OSBPL10: variants seen among roughly 807,000 people sequenced by gnomAD.
OSBPL10 encodes oxysterol binding protein like 10.
OSBPL10 carries 49 observed loss-of-function variants against 81.7 expected under a neutral mutation model. That is an observed-to-expected ratio of 0.60 (90% CI 0.48 to 0.76). The LOEUF (loss-of-function observed/expected upper bound fraction) is 0.76, where lower values mean the gene tolerates loss of function less well. OSBPL10 is among the 30% of genes least tolerant of loss of function. The probability of loss-of-function intolerance (pLI) is 0.00; values close to 1 mark genes in which losing one functional copy is unlikely to be tolerated. For missense variants in OSBPL10, 923 were observed against 987.8 expected (o/e 0.93, Z 0.88); for synonymous variants, 419 against 383.6 (o/e 1.09, Z -1.08).
intron 7 of OSBPL10, among the ~76,000 whole-genome samples, chr3:31,688,083 T>G (rs1440576710): frequency 2.0e-5 from 3 of 151,846 alleles, no homozygotes; most frequent in Admixed American, 6.6e-5. Context: ...ATCGTTGCAA[T>G]GAAGGAAGGG....
At chr3:31,798,170 C>A (rs953444236) in intron 4 of OSBPL10, among the ~76,000 whole-genome samples, 1 of 152,128 alleles carries the variant, frequency 6.6e-6, no homozygotes, top group African/African-American at 2.4e-5. Flanking sequence ...GTGGCTCACA[C>A]CTGTAATCCC....
chr3:31,848,934 T>C (rs1018365740), intron 3 of OSBPL10, among the ~76,000 whole-genome samples: 1 of 152,216 alleles, frequency 6.6e-6, no homozygotes, highest in African/African-American at 2.4e-5. Context: ...TTTCATTACT[T>C]AGCAAAAAGT....
At chr3:31,928,941 T>C (rs1000097830) in intron 1 of OSBPL10, among the ~76,000 whole-genome samples, 1 of 152,144 alleles carries the variant, frequency 6.6e-6, no homozygotes, top group Admixed American at 6.6e-5. Context: ...ATTGATAGCA[T>C]TTGATAAAAG....
At chr3:32,071,433 C>G (rs1446349039) in intron 1 of OSBPL10, among the ~76,000 whole-genome samples, 1 of 152,180 alleles carries the variant, frequency 6.6e-6, no homozygotes, top group Non-Finnish European at 1.5e-5. Flanking sequence ...ACAGACTGCT[C>G]CCACACTAGC....
rs1484529424 is a variant in OSBPL10, at chr3:31,678,827, T to TGC, written c.1726+4806_1726+4807insGC. Among the ~76,000 whole-genome samples, 15 of 128,700 alleles carry TGC rather than the reference T, an allele frequency of 1.2e-4. No homozygotes were observed. The East Asian group carries it at 3.4e-3, about 29-fold the overall frequency. 84.4% of individuals were successfully genotyped at this position (128,700 alleles called of 152,430 possible). The stretch of plus-strand genomic sequence containing the variant: ...GTGTGTGTGTGTGTGTGTGTGTGTG[T>TGC]GTGTAGGAGGGAAGAAGAGAAATAA... On this transcript the variant is annotated intron_variant, in intron 8 of 11. Transcript: ENST00000396556.
intron 6 of OSBPL10, chr3:31,719,055 C>T (rs1185353283): frequency 1.3e-5 from 2 of 152,192 alleles, no homozygotes; most frequent in Non-Finnish European, 2.9e-5. Context: ...TGCTGTTCAT[C>T]CCTACAAAAC....
chr3:32,038,298 A>T (rs1699538646), intron 2 of OSBPL10, among the ~76,000 whole-genome samples: 1 of 152,236 alleles, frequency 6.6e-6, no homozygotes, highest in Non-Finnish European at 1.5e-5. Context: ...TTCCATTTAT[A>T]ATGAAATATC....
intron 2 of OSBPL10, among the ~76,000 whole-genome samples, chr3:32,020,617 G>A (rs1439148399): frequency 3.3e-5 from 5 of 151,888 alleles, no homozygotes; most frequent in Admixed American, 1.3e-4. Context: ...TCTTTGTGAT[G>A]GACATAAAAG....
chr3:31,668,618 A>C, intron 10 of OSBPL10, 24 bp downstream of exon 10: 1 of 1,583,306 alleles, frequency 6.3e-7, no homozygotes, highest in Non-Finnish European at 8.6e-7. Context: ...TAAGCTGGAG[A>C]GGAAGACACA....
chr3:31,767,194 T>C (rs1012242742), intron 4 of OSBPL10, among the ~76,000 whole-genome samples: 1 of 152,230 alleles, frequency 6.6e-6, no homozygotes, highest in Non-Finnish European at 1.5e-5. Flanking sequence ...CAATTCTCTC[T>C]TTCAAGAGCC....
At chr3:31,785,927 C>A (rs1047979130) in intron 4 of OSBPL10, among the ~76,000 whole-genome samples, 2 of 152,232 alleles carry the variant, frequency 1.3e-5, no homozygotes, top group Non-Finnish European at 2.9e-5. Flanking sequence ...TCACTGTGAT[C>A]CAGAAAGACT....
At chr3:32,024,486 AT>A (rs34141476) in intron 2 of OSBPL10, among the ~76,000 whole-genome samples, 1,533 of 111,644 alleles carry the variant, frequency 0.014, 16 homozygotes, top group African/African-American at 0.05. Flanking sequence ...TGTGAATGGA[AT>A]TTTTTTTTTT....
intron 2 of OSBPL10, among the ~76,000 whole-genome samples, chr3:32,035,298 A>C (rs1392864082): frequency 6.6e-6 from 1 of 152,212 alleles, no homozygotes; most frequent in African/African-American, 2.4e-5. Flanking sequence ...ACAGTGGCTC[A>C]TGCCTGTAAT....
chr3:31,680,497 G>C (rs1457285596), intron 8 of OSBPL10, among the ~76,000 whole-genome samples: 1 of 152,164 alleles, frequency 6.6e-6, no homozygotes, highest in East Asian at 1.9e-4. Context: ...TGGATACTGT[G>C]AATTATGCAT....
intron 1 of OSBPL10, among the ~76,000 whole-genome samples, chr3:31,906,615 G>T (rs1696415175): frequency 6.6e-6 from 1 of 152,076 alleles, no homozygotes; most frequent in African/African-American, 2.4e-5. Flanking sequence ...AATCAATCAG[G>T]ATTTGATGAA....
chr3:32,036,315 T>G (rs149498359), intron 2 of OSBPL10, among the ~76,000 whole-genome samples: 102 of 152,312 alleles, frequency 6.7e-4, no homozygotes, highest in African/African-American at 2.5e-3. Flanking sequence ...CCAAAAGTGC[T>G]GGGATTACAG....
intron 4 of OSBPL10, among the ~76,000 whole-genome samples, chr3:31,779,161 TA>T (rs375065497): frequency 0.026 from 3,907 of 152,000 alleles, 78 homozygotes; most frequent in Middle Eastern, 0.034. Context: ...AACACAATTT[TA>T]AAAAAAGGTA....
chr3:31,702,609 C>G, intron 6 of OSBPL10, 101 bp from the exon 7 acceptor site: 1 of 1,492,496 alleles, frequency 6.7e-7, no homozygotes, highest in East Asian at 2.3e-5. Context: ...GAAACCCAAT[C>G]CTGTCCCGGG....
intron 1 of OSBPL10, among the ~76,000 whole-genome samples, chr3:32,067,692 T>A (rs1699790335): frequency 6.6e-6 from 1 of 152,126 alleles, no homozygotes. Flanking sequence ...CCTTAAGAAG[T>A]TTCTTTGTAA....
Sources: gnomAD v4.1 joint callset for allele counts (sites outside exome capture counted in the v4.1 genomes callset) on GRCh38, gnomAD v4.1.1 for gene constraint, MANE v1.5 for transcripts, NCBI Gene and HGNC (gene_info 2026-07-23, HGNC 2026-07-21) for gene names.